The following E2F7 variants were observed in gnomAD, a reference collection of about 807,000 sequenced individuals.
The protein encoded by E2F7 is E2F transcription factor 7.
E2F7 carries 35 observed loss-of-function variants against 81.1 expected under a neutral mutation model. The observed-to-expected ratio is 0.43, with a 90% CI of 0.33 to 0.57. E2F7 has a LOEUF of 0.57. Among genes scored for constraint, E2F7 ranks in the 20% least tolerant of loss-of-function variants. E2F7 has a pLI of 0.04. For synonymous variants in E2F7, 416 were observed against 416.2 expected, an observed-to-expected ratio of 1.00 and a Z score of 0.01; for missense variants, 961 against 1,093.7, an observed-to-expected ratio of 0.88 and a Z score of 1.71.
intron 3 of E2F7, among the ~76,000 whole-genome samples, chr12:77,052,441 A>C (rs867776122): frequency 3.3e-5 from 5 of 152,264 alleles, no homozygotes; most frequent in South Asian, 2.1e-4. Context: ...TTGCACTGCC[A>C]GCTAGGGGGA....
At chr12:77,041,060 G>A (rs186194209) in intron 7 of E2F7, among the ~76,000 whole-genome samples, 436 of 152,264 alleles carry the variant, frequency 2.9e-3, no homozygotes, top group Middle Eastern at 0.014. Flanking sequence ...GAGAAAATAC[G>A]TTCAATTTAA....
chr12:77,029,066 G>A (rs1954782640), intron 10 of E2F7, among the ~76,000 whole-genome samples: 1 of 152,192 alleles, frequency 6.6e-6, no homozygotes, highest in South Asian at 2.1e-4. Flanking sequence ...TATAAGAACT[G>A]TGGGCTGGCC....
At chr12:77,045,431 T>G (rs1452911269) in intron 5 of E2F7, among the ~76,000 whole-genome samples, 10 of 152,230 alleles carry the variant, frequency 6.6e-5, no homozygotes, top group Admixed American at 6.5e-4. Context: ...AGGCAGTAAC[T>G]CTAATGAAAA....
chr12:77,041,094 C>A (rs1954890331), intron 7 of E2F7, among the ~76,000 whole-genome samples: 1 of 152,196 alleles, frequency 6.6e-6, no homozygotes. Flanking sequence ...CCTCCAAAGT[C>A]TTTCTCTCAT....
Position 77,046,283 on chromosome 12 carries a change from G to A in E2F7, c.584C>T (p.Ser195Leu). The change falls in exon 5 of 13, where the codon TCG becomes TTG. Residue 195 changes from serine (S) to leucine (L), a missense_variant. Around this residue, in one of 3 missense-constraint regions of E2F7, gnomAD observed 301 missense variants for 405.0 expected, o/e 0.74. Coordinates refer to ENST00000322886, the MANE Select transcript of E2F7 (RefSeq NM_203394.3). Reference protein sequence around the residue: ...RIYDIVNVLESLHLVSRVAKN... With the variant: ...RIYDIVNVLELLHLVSRVAKN... Reference sequence around the variant, plus strand: ...AGCCACCCGGCTGACCAGATGCAGCGACTCCAGCACATTTACAATGTCATA... The same window carrying A: ...AGCCACCCGGCTGACCAGATGCAGCAACTCCAGCACATTTACAATGTCATA... 1.2e-6 allele frequency: 2 copies of A among 1,614,096 alleles called. No homozygotes were observed. The highest frequency in any genetic ancestry group is 8.5e-7 in the Non-Finnish European group (1 of 1,180,024).
chr12:77,045,955 T>G (rs1056610962), intron 5 of E2F7, 83 bp downstream of exon 5: 61 of 1,527,176 alleles, frequency 4.0e-5, no homozygotes, highest in Non-Finnish European at 5.0e-5. Flanking sequence ...AACCTGGCAC[T>G]TCCCATCTGA....
chr12:77,033,156 C>T (rs1191431443), intron 8 of E2F7, 34 bp from the exon 9 acceptor site: 2 of 1,588,138 alleles, frequency 1.3e-6, no homozygotes, highest in Admixed American at 1.7e-5. Flanking sequence ...ACAAATATAG[C>T]AAGAGACTTA....
At position 77,063,983 on chromosome 12, in the gene E2F7, G is replaced by C. The variant is rs548644793; in HGVS notation, c.93+560C>G. Among the ~76,000 whole-genome samples, 3 of 152,318 alleles carry C rather than the reference G, an allele frequency of 2.0e-5. No homozygotes were observed. In the East Asian group the frequency reaches 5.8e-4, roughly 29 times the overall value. ...AACATCTTGGTCTTACAAATCACAA[G>C]GGGTGCAAAATGTAAGGGAATGGCT... is the stretch of plus-strand genomic sequence containing the variant. On this transcript the variant is annotated intron_variant, in intron 2 of 12. Coordinates refer to ENST00000322886, the MANE Select transcript of E2F7 (RefSeq NM_203394.3).
chr12:77,052,125 G>T (rs1051913170), intron 3 of E2F7, among the ~76,000 whole-genome samples: 2 of 152,082 alleles, frequency 1.3e-5, no homozygotes, highest in East Asian at 3.8e-4. Flanking sequence ...CTAAAACTTA[G>T]ATTTTAAAGA....
intron 7 of E2F7, among the ~76,000 whole-genome samples, chr12:77,036,811 G>A (rs1438823939): frequency 2.6e-5 from 4 of 151,134 alleles, no homozygotes; most frequent in Admixed American, 6.6e-5. Context: ...GCGCGATCTC[G>A]GCTCACTGCA....
In E2F7 at chr12:77,030,301, G is replaced by A; in HGVS notation, c.1414C>T (p.Pro472Ser). Residue 472 changes from proline to serine, a missense_variant, in exon 10 of 13, where the codon CCT (proline) becomes TCT (serine). By Grantham distance (74) the Pro-to-Ser change is moderately conservative. This residue lies in a region of E2F7 where 587 missense variants were observed against 620.3 expected (regional missense o/e 0.95). Transcript: ENST00000322886. ...ACAGGGTCCAAGCTGCTTGATGGAG[G>A]CACCACTCTCTTACTGGCAAAGGCT... ...GKAFASKRVV[P>S]PSSSLDPVAP... 3 of 1,568,358 alleles carry A rather than the reference G, an allele frequency of 1.9e-6. 1 individual carries two copies. In the South Asian group the frequency reaches 3.5e-5, roughly 19 times the overall value.
rs995623845 is a variant in E2F7 at position 77,033,842 on chromosome 12, T to C, written c.1309+15A>G. 6.3e-7 allele frequency: 1 copy of C among 1,583,544 alleles called. No homozygotes were observed. Among genetic ancestry groups the C allele is most frequent in the South Asian group, 1.2e-5 (1 of 85,912 alleles). ...GGCAACTGATGGACTCCATAGATTA[T>C]GCAAGGGCAGATACCTTGTTCTTCT... On this transcript the variant is annotated intron_variant, in intron 8 of 12. Coordinates refer to ENST00000322886, the MANE Select transcript of E2F7 (RefSeq NM_203394.3).
chr12:77,034,188 T>G, intron 7 of E2F7, 146 bp from the exon 8 acceptor site: 2 of 651,370 alleles, frequency 3.1e-6, no homozygotes, highest in Non-Finnish European at 4.7e-6. Context: ...AGGAATTTTA[T>G]GAGCCTTGTC....
intron 4 of E2F7, 111 bp downstream of exon 4, chr12:77,050,465 G>C: frequency 8.8e-7 from 1 of 1,139,456 alleles, no homozygotes; most frequent in Non-Finnish European, 1.3e-6. Context: ...CTGTTCCTCT[G>C]TCTTCACCCG....
At chr12:77,057,803 T>G (rs1955044900) in intron 2 of E2F7, among the ~76,000 whole-genome samples, 1 of 152,214 alleles carries the variant, frequency 6.6e-6, no homozygotes, top group African/African-American at 2.4e-5. Context: ...GCTCTTTCTG[T>G]AGTATTCCTT....
intron 6 of E2F7, among the ~76,000 whole-genome samples, chr12:77,043,618 CAA>C (rs1430557061): frequency 2.0e-5 from 3 of 152,024 alleles, no homozygotes; most frequent in East Asian, 1.9e-4. Flanking sequence ...GTGAAAATGA[CAA>C]AGATTCCCCA....
intron 2 of E2F7, among the ~76,000 whole-genome samples, chr12:77,058,229 A>G (rs753003311): frequency 1.3e-5 from 2 of 152,148 alleles, no homozygotes; most frequent in Non-Finnish European, 2.9e-5. Context: ...ATTACTGATT[A>G]CTATGTGCCA....
intron 2 of E2F7, among the ~76,000 whole-genome samples, chr12:77,063,652 CA>C (rs372269130): frequency 1.9e-4 from 28 of 148,840 alleles, no homozygotes; most frequent in Admixed American, 7.3e-4. Flanking sequence ...AAATGCCGGA[CA>C]AAAAAAAAAT....
At position 77,065,428 on chromosome 12, in the gene E2F7, C is replaced by T; in HGVS notation, c.-84G>A. On this transcript the variant is annotated 5_prime_UTR_variant, in exon 1 of 13. Transcript: ENST00000322886. Reference sequence around the variant, plus strand: ...TGAGGGAAGGTGGTGCGGCGATCAGCAGCCGGGCGGCGGCATCGGGAAGGG... The same window carrying T: ...TGAGGGAAGGTGGTGCGGCGATCAGTAGCCGGGCGGCGGCATCGGGAAGGG... 1 of 152,880 alleles carries T rather than the reference C, an allele frequency of 6.5e-6. No individual in the cohort carries two copies. The highest frequency in any genetic ancestry group is 1.5e-5 in the Non-Finnish European group (1 of 68,498). 9.5% of individuals were successfully genotyped at this position (152,880 alleles called of 1,614,324 possible).
Sources: gnomAD v4.1 joint callset for allele counts (sites outside exome capture counted in the v4.1 genomes callset) on GRCh38, gnomAD v4.1.1 for gene constraint, gnomAD v4.1.1 regional missense constraint, MANE v1.5 for transcripts, NCBI Gene and HGNC (gene_info 2026-07-23, HGNC 2026-07-21) for gene names.